The following ANGPT2 variants were observed in gnomAD, a reference collection of about 807,000 sequenced individuals.
The protein encoded by ANGPT2 is angiopoietin-2.
In ANGPT2, 28 loss-of-function variants were observed where a neutral mutation model predicts 62.9. The observed-to-expected ratio is 0.44, with a 90% CI of 0.33 to 0.61. The LOEUF is 0.61. Ranked by LOEUF, ANGPT2 falls within the 20% of genes least tolerant of loss-of-function variation. The pLI is 0.03. For synonymous variants in ANGPT2, 284 were observed against 207.8 expected (o/e 1.37, Z -3.15); for missense variants, 727 against 594.9 (o/e 1.22, Z -2.31).
At chr8:6,537,147 T>A (rs1343315838) in intron 1 of ANGPT2, among the ~76,000 whole-genome samples, 1 of 152,144 alleles carries the variant, frequency 6.6e-6, no homozygotes, top group African/African-American at 2.4e-5. Flanking sequence ...CTCTTTCCAA[T>A]TTCACATGCA....
intron 7 of ANGPT2, 149 bp from the exon 8 acceptor site, chr8:6,509,211 A>G (rs976112650): frequency 5.9e-6 from 6 of 1,019,340 alleles, no homozygotes; most frequent in South Asian, 5.2e-5. Context: ...AATATTTTGC[A>G]CTGGTATAAA....
rs1370215291 is a variant in ANGPT2 at position 6,527,515 on chromosome 8, G to A, written c.566+40C>T. The A allele has an allele frequency of 2.5e-6, 4 of 1,597,898 alleles. No individual in the cohort carries two copies. The East Asian group carries it at 9.0e-5, about 36-fold the overall frequency. On this transcript the variant is annotated intron_variant, in intron 3 of 8. Transcript: ENST00000629816. ...AGACCGACTTTCATATCTGGAAAGT[G>A]TGCAGTCCTGAATTATAAATGTTTT...
chr8:6,556,743 A>G (rs1412997367), intron 1 of ANGPT2, among the ~76,000 whole-genome samples: 1 of 152,020 alleles, frequency 6.6e-6, no homozygotes, highest in East Asian at 1.9e-4. Context: ...CCTCCCAAGT[A>G]GCTGGGACCA....
intron 3 of ANGPT2, among the ~76,000 whole-genome samples, chr8:6,524,918 C>G (rs536203311): frequency 1.3e-5 from 2 of 152,344 alleles, no homozygotes; most frequent in African/African-American, 4.8e-5. Context: ...AATCCCACCT[C>G]TGCACATGGC....
At chr8:6,505,245 T>C in intron 8 of ANGPT2, among the ~76,000 whole-genome samples, 1 of 94,580 alleles carries the variant, frequency 1.1e-5, no homozygotes, top group African/African-American at 4.0e-5. Flanking sequence ...ATAGAATATA[T>C]ATTCTTTATA....
chr8:6,505,739 A>G (rs1240221739), intron 8 of ANGPT2, among the ~76,000 whole-genome samples: 1 of 134,398 alleles, frequency 7.4e-6, no homozygotes, highest in Non-Finnish European at 1.5e-5. Context: ...TTCTATATAT[A>G]TTCTTTATAT....
At chr8:6,551,283 T>C (rs1355739167) in intron 1 of ANGPT2, among the ~76,000 whole-genome samples, 1 of 152,158 alleles carries the variant, frequency 6.6e-6, no homozygotes, top group East Asian at 1.9e-4. Flanking sequence ...GGTAGCGGTA[T>C]TTAGGGGTGA....
chr8:6,521,531 G>T, intron 3 of ANGPT2, 121 bp from the exon 4 acceptor site: 1 of 723,276 alleles, frequency 1.4e-6, no homozygotes, highest in Non-Finnish European at 2.2e-6. Context: ...AAAGTAATAT[G>T]ATGTTACCAG....
intron 1 of ANGPT2, among the ~76,000 whole-genome samples, chr8:6,547,030 G>C (rs1474596742): frequency 1.3e-5 from 2 of 152,094 alleles, no homozygotes; most frequent in Non-Finnish European, 1.5e-5. Flanking sequence ...AGCGTTCTCA[G>C]AGCAACATGC....
intron 7 of ANGPT2, among the ~76,000 whole-genome samples, chr8:6,510,829 C>G (rs574401669): frequency 6.6e-6 from 1 of 152,332 alleles, no homozygotes; most frequent in East Asian, 1.9e-4. Context: ...AGTATTAAGG[C>G]AGCCCTAGAA....
intron 4 of ANGPT2, 43 bp from the exon 5 acceptor site, chr8:6,520,034 A>G (rs1324659223): frequency 1.2e-6 from 2 of 1,600,660 alleles, no homozygotes; most frequent in Non-Finnish European, 1.7e-6. Flanking sequence ...GAGTTCATGA[A>G]AAGACAAAGA....
chr8:6,527,899 A>ATTTTTTTTTTTT lies in ANGPT2; in HGVS notation c.445-235_445-224dup, dbSNP rs71213313. The stretch of plus-strand genomic sequence containing the variant: ...TTTTTACTCTTTTCCCCACGTCTCT[A>ATTTTTTTTTTTT]TTTTTTTTTTTTTTGAGATGGAATC... On this transcript the variant is annotated intron_variant, in intron 2 of 8. Coordinates refer to ENST00000629816, the MANE Select transcript of ANGPT2 (RefSeq NM_001118887.2). 5.1e-3 allele frequency among the ~76,000 whole-genome samples: 673 copies of ATTTTTTTTTTTT among 132,938 alleles called. 14 individuals carry two copies. Among genetic ancestry groups the ATTTTTTTTTTTT allele is most frequent in the Non-Finnish European group, 7.4e-3 (451 of 61,184 alleles). The allele number at this position is 132,938 out of a possible 152,430, so 87.2% of individuals were successfully genotyped here.
At chr8:6,522,341 C>G (rs541717849) in intron 3 of ANGPT2, among the ~76,000 whole-genome samples, 1 of 150,938 alleles carries the variant, frequency 6.6e-6, no homozygotes, top group East Asian at 2.0e-4. Flanking sequence ...GGCGACAGAG[C>G]GAGACTCCGT....
chr8:6,528,963 A>G (rs1353804833), intron 2 of ANGPT2, among the ~76,000 whole-genome samples: 1 of 152,202 alleles, frequency 6.6e-6, no homozygotes, highest in African/African-American at 2.4e-5. Context: ...TGGAATATAC[A>G]TTTGGCCTAC....
At chr8:6,503,650 G>C (rs1812649955) in intron 8 of ANGPT2, among the ~76,000 whole-genome samples, 1 of 152,166 alleles carries the variant, frequency 6.6e-6, no homozygotes, top group Admixed American at 6.5e-5. Context: ...AACATGGTGG[G>C]CTGGACTCGC....
intron 7 of ANGPT2, among the ~76,000 whole-genome samples, chr8:6,513,306 C>G (rs1000996766): frequency 2.6e-5 from 4 of 151,260 alleles, no homozygotes; most frequent in African/African-American, 9.7e-5. Context: ...CCCAGCAAAC[C>G]TTTTAATTTT....
intron 1 of ANGPT2, among the ~76,000 whole-genome samples, chr8:6,545,101 G>A (rs1822330309): frequency 6.6e-6 from 1 of 152,036 alleles, no homozygotes; most frequent in Non-Finnish European, 1.5e-5. Flanking sequence ...CTTACTAGAT[G>A]ATCCATTTCC....
intron 1 of ANGPT2, among the ~76,000 whole-genome samples, chr8:6,544,964 C>T (rs1822294162): frequency 6.6e-6 from 1 of 152,136 alleles, no homozygotes; most frequent in Non-Finnish European, 1.5e-5. Flanking sequence ...AAATGTTGCT[C>T]CATGGAGACT....
intron 2 of ANGPT2, among the ~76,000 whole-genome samples, chr8:6,530,829 A>G (rs1181620734): frequency 6.6e-6 from 1 of 152,186 alleles, no homozygotes; most frequent in Non-Finnish European, 1.5e-5. Flanking sequence ...TAGGAAGACA[A>G]TGAAAGAACA....
Sources: gnomAD v4.1 joint callset for allele counts (sites outside exome capture counted in the v4.1 genomes callset) on GRCh38, gnomAD v4.1.1 for gene constraint, MANE v1.5 for transcripts, NCBI Gene and HGNC (gene_info 2026-07-23, HGNC 2026-07-21) for gene names.